The following MAPK14 variants were observed in gnomAD, a reference collection of about 807,000 sequenced individuals.
The protein encoded by MAPK14 is mitogen-activated protein kinase 14.
Under a neutral mutation model 49.6 loss-of-function variants are expected in MAPK14, and 16 were observed. The ratio of observed to expected loss-of-function variants is 0.32; its 90% CI spans 0.22 to 0.49. The LOEUF is 0.49. Ranked by LOEUF, MAPK14 falls within the 20% of genes least tolerant of loss-of-function variation. The pLI is 0.99. For missense variants in MAPK14, 200 were observed against 441.2 expected (o/e 0.45, Z 4.90); for synonymous variants, 142 against 158.0 (o/e 0.90, Z 0.76).
chr6:36,114,317 T>A (rs73409883), downstream of MAPK14, among the ~76,000 whole-genome samples: 4 of 151,992 alleles, frequency 2.6e-5, no homozygotes, highest in Admixed American at 6.6e-5. Context: ...CTGTTGTAAC[T>A]TAAAGAAGTA....
At chr6:36,081,607 C>A (rs1365742576) in intron 8 of MAPK14, among the ~76,000 whole-genome samples, 2 of 152,116 alleles carry the variant, frequency 1.3e-5, no homozygotes, top group East Asian at 3.9e-4. Flanking sequence ...ATATATCTAT[C>A]CTTATGGCAA....
Position 36,102,653 on chromosome 6 carries a change from A to G in MAPK14, c.841+4A>G. Reference sequence around the variant, plus strand: ...TTTATTGGTGCCAATCCCCTGGGTAAGTTGACCATATATCCTCACCTCATG... The same window carrying G: ...TTTATTGGTGCCAATCCCCTGGGTAGGTTGACCATATATCCTCACCTCATG... On this transcript the variant is annotated splice_donor_region_variant and intron_variant, in intron 10 of 11. Transcript: ENST00000229794. The G allele has an allele frequency of 6.2e-7, 1 of 1,613,644 alleles. No individual in the cohort carries two copies. The highest frequency in any genetic ancestry group is 8.5e-7 in the Non-Finnish European group (1 of 1,179,564).
At position 36,076,617 on chromosome 6, in the gene MAPK14, TA is replaced by T. The variant is rs1408190262; in HGVS notation, c.682+14del. On this transcript the variant is annotated intron_variant, in intron 8 of 11. Coordinates refer to ENST00000229794, the MANE Select transcript of MAPK14 (RefSeq NM_139012.3). ...GTTTCCTGGTACAGACCGTATCCTT[TA>T]AAAAGTTTTGGATTCTTGTTTCTTA... 6.2e-7 allele frequency: 1 copy of T among 1,611,332 alleles called. No individual in the cohort carries two copies. The highest frequency in any genetic ancestry group is 1.3e-5 in the African/African-American group (1 of 74,870).
chr6:36,033,999 A>G (rs547152953), intron 1 of MAPK14, among the ~76,000 whole-genome samples: 168 of 152,300 alleles, frequency 1.1e-3, no homozygotes, highest in Admixed American at 2.3e-3. Flanking sequence ...GGAATGGCAT[A>G]CTTGTCAATG....
intron 1 of MAPK14, among the ~76,000 whole-genome samples, chr6:36,043,804 CTTTTTTTTTT>C (rs796534477): frequency 3.3e-5 from 3 of 90,396 alleles, no homozygotes; most frequent in Admixed American, 1.2e-4. Context: ...CTTTTTCTTT[CTTTTTTTTTT>C]TTTTTTTTTT....
At chr6:36,089,585 A>G (rs1260465023) in intron 8 of MAPK14, among the ~76,000 whole-genome samples, 3 of 152,238 alleles carry the variant, frequency 2.0e-5, no homozygotes, top group Non-Finnish European at 4.4e-5. Flanking sequence ...TTTGTCTTAA[A>G]GCCAATAATG....
At chr6:36,100,346 T>C in intron 9 of MAPK14, 1 of 1,035,348 alleles carries the variant, frequency 9.7e-7, no homozygotes, top group Non-Finnish European at 1.5e-6. Context: ...TAACCAACAG[T>C]TCTTAACATC....
chr6:36,113,427 A>T (rs1766010403), downstream of MAPK14, among the ~76,000 whole-genome samples: 1 of 152,004 alleles, frequency 6.6e-6, no homozygotes, highest in Non-Finnish European at 1.5e-5. Context: ...ACAGCAAAAT[A>T]CTGGAAGTAA....
In MAPK14 at chr6:36,059,356, A is replaced by G; in HGVS notation, c.305+9A>G. On this transcript the variant is annotated intron_variant, in intron 3 of 11. Transcript: ENST00000229794. ...GAGGAATTCAATGATGTGTGAGTAA[A>G]TTTTTTGCATTTGCCTTCCTGGTCT... 3 of 1,605,520 alleles carry G rather than the reference A, an allele frequency of 1.9e-6. No homozygotes were observed. Among genetic ancestry groups the G allele is most frequent in the Non-Finnish European group, 2.6e-6 (3 of 1,172,548 alleles).
At chr6:36,093,013 T>TG (rs1307270733) in intron 8 of MAPK14, among the ~76,000 whole-genome samples, 4 of 152,104 alleles carry the variant, frequency 2.6e-5, no homozygotes, top group Admixed American at 2.0e-4. Context: ...GATAAGCTAT[T>TG]GAAAAAAATC....
At chr6:36,103,327 T>G (rs1339411153) in intron 10 of MAPK14, among the ~76,000 whole-genome samples, 2 of 150,546 alleles carry the variant, frequency 1.3e-5, no homozygotes, top group Non-Finnish European at 3.0e-5. Flanking sequence ...TTATTATTAT[T>G]TATTTATTTA....
chr6:36,097,006 C>T (rs1765468495), intron 9 of MAPK14: 1 of 152,266 alleles, frequency 6.6e-6, no homozygotes, highest in Non-Finnish European at 1.5e-5. Flanking sequence ...CTCCTCCCAA[C>T]ATTTATGACT....
At chr6:36,112,111 C>T (rs998325513), downstream of MAPK14, among the ~76,000 whole-genome samples, 22 of 151,694 alleles carry the variant, frequency 1.5e-4, no homozygotes, top group African/African-American at 3.4e-4. Flanking sequence ...GAGGCTGAGG[C>T]GGGAGAATGG....
intron 10 of MAPK14, 27 bp downstream of exon 10, chr6:36,102,676 A>T (rs201491038): frequency 1.2e-6 from 2 of 1,609,568 alleles, no homozygotes; most frequent in East Asian, 4.5e-5. Context: ...TCCTCACCTC[A>T]TGGATATTGA....
At chr6:36,086,387 A>G (rs1478291159) in intron 8 of MAPK14, among the ~76,000 whole-genome samples, 1 of 152,172 alleles carries the variant, frequency 6.6e-6, no homozygotes. Context: ...TTTGAAAAAC[A>G]TAAAATAAAA....
intron 7 of MAPK14, among the ~76,000 whole-genome samples, 181 bp from the exon 8 acceptor site, chr6:36,076,356 C>A (rs1581796887): frequency 6.6e-6 from 1 of 152,242 alleles, no homozygotes; most frequent in East Asian, 1.9e-4. Context: ...CTTTGAACAG[C>A]CCTTTAGTCA....
the MAPK14 span, among the ~76,000 whole-genome samples, chr6:36,118,596 CTG>C: frequency 6.6e-6 from 1 of 152,360 alleles, no homozygotes; most frequent in South Asian, 2.1e-4. Context: ...GCTGGCTCCA[CTG>C]TGTGTTTCCA....
At chr6:36,104,270 C>T (rs1244985868) in intron 10 of MAPK14, among the ~76,000 whole-genome samples, 4 of 152,150 alleles carry the variant, frequency 2.6e-5, no homozygotes, top group Non-Finnish European at 5.9e-5. Flanking sequence ...TCTGCCCTGG[C>T]ATGCTCTCAT....
chr6:36,061,291 A>T (rs971725594), intron 3 of MAPK14, among the ~76,000 whole-genome samples: 1 of 152,220 alleles, frequency 6.6e-6, no homozygotes, highest in Non-Finnish European at 1.5e-5. Flanking sequence ...CTAATTGGGC[A>T]TTCTGGAACC....
Sources: gnomAD v4.1 joint callset for allele counts (sites outside exome capture counted in the v4.1 genomes callset) on GRCh38, gnomAD v4.1.1 for gene constraint, MANE v1.5 for transcripts, NCBI Gene and HGNC (gene_info 2026-07-23, HGNC 2026-07-21) for gene names.